IL12RB2: variants seen among roughly 807,000 people sequenced by gnomAD.
The protein encoded by IL12RB2 is interleukin-12 receptor subunit beta-2.
Under a neutral mutation model 89.4 loss-of-function variants are expected in IL12RB2, and 82 were observed. That is an observed-to-expected ratio of 0.92 (90% CI 0.77 to 1.10). IL12RB2 has a LOEUF of 1.10. Among genes scored for constraint, IL12RB2 ranks in the 50% least tolerant of loss-of-function variants. The pLI, the probability that IL12RB2 is intolerant of heterozygous loss-of-function variation, is 0.00. For missense variants in IL12RB2, 963 were observed against 1,031.9 expected (o/e 0.93, Z 0.92); for synonymous variants, 368 against 370.1 (o/e 0.99, Z 0.07).
chr1:67,374,616 C>T (rs1379705247), intron 13 of IL12RB2, among the ~76,000 whole-genome samples: 1 of 151,722 alleles, frequency 6.6e-6, no homozygotes, highest in Non-Finnish European at 1.5e-5. Context: ...GCTGGGATTA[C>T]AGACATGTAC....
intron 2 of IL12RB2, among the ~76,000 whole-genome samples, chr1:67,317,728 T>C (rs1196501245): frequency 6.6e-6 from 1 of 152,188 alleles, no homozygotes; most frequent in Non-Finnish European, 1.5e-5. Flanking sequence ...TTTCTAAAGA[T>C]CATATTCCTT....
Position 67,390,102 on chromosome 1 carries a change from T to C in IL12RB2, c.2020T>C (p.Cys674Arg). The C allele has an allele frequency of 7.6e-7, 1 of 1,316,154 alleles. No individual in the cohort carries two copies. Among genetic ancestry groups the C allele is most frequent in the East Asian group, 2.3e-5 (1 of 43,576 alleles). 81.5% of individuals were successfully genotyped at this position (1,316,154 alleles called of 1,614,324 possible). A position where few individuals can be genotyped will look rare whatever the true frequency, so the allele number is the denominator to read the frequency against. ...AATTCCAGATCCAGCAAATAGCACTTGCGCTAAGAAATATCCCATTGCAGA... is the reference window on the plus strand; with the variant it reads ...AATTCCAGATCCAGCAAATAGCACTCGCGCTAAGAAATATCCCATTGCAGA... ...REIPDPANST[C>R]AKKYPIAEEK... The change falls in exon 16 of 17, where the codon TGC (cysteine) becomes CGC (arginine). Residue 674 changes from cysteine to arginine, a missense_variant. Physicochemically the swap from Cys to Arg is radical, Grantham distance 180. Coordinates refer to ENST00000674203, the MANE Select transcript of IL12RB2 (RefSeq NM_001374259.2).
At chr1:67,332,248 C>T in intron 8 of IL12RB2, among the ~76,000 whole-genome samples, 1 of 151,000 alleles carries the variant, frequency 6.6e-6, no homozygotes, top group South Asian at 2.1e-4. Context: ...CAGAGTCTTG[C>T]TCTGTCACCC....
chr1:67,360,617 A>G (rs1396987473), intron 10 of IL12RB2, among the ~76,000 whole-genome samples: 6 of 151,726 alleles, frequency 4.0e-5, no homozygotes, highest in Non-Finnish European at 5.9e-5. Context: ...CCAACATGGC[A>G]AAACCCTGTC....
In IL12RB2 at chr1:67,376,419, A is replaced by G. The variant is rs78151606; in HGVS notation, c.1718-3567A>G. Among the ~76,000 whole-genome samples, 837 of 152,218 alleles carry G rather than the reference A, an allele frequency of 5.5e-3. 8 individuals are homozygous for G. The highest frequency in any genetic ancestry group is 0.019 in the African/African-American group (771 of 41,536). Reference sequence around the variant, plus strand: ...TTGTCTAGTACCACTTGACCTTCCTATCTACAGCTTTTCCAACGACTGGCA... The same window carrying G: ...TTGTCTAGTACCACTTGACCTTCCTGTCTACAGCTTTTCCAACGACTGGCA... On this transcript the variant is annotated intron_variant, in intron 13 of 16. Coordinates refer to ENST00000674203, the MANE Select transcript of IL12RB2 (RefSeq NM_001374259.2).
chr1:67,335,266 G>GAGAA (rs1658617813), intron 8 of IL12RB2, among the ~76,000 whole-genome samples: 1 of 152,188 alleles, frequency 6.6e-6, no homozygotes, highest in Non-Finnish European at 1.5e-5. Context: ...AATGACTGGA[G>GAGAA]AGATGTCTTT....
At chr1:67,363,272 A>G (rs12035294) in intron 10 of IL12RB2, among the ~76,000 whole-genome samples, 19,434 of 138,220 alleles carry the variant, frequency 0.14, 1,973 homozygotes, top group African/African-American at 0.29. Context: ...GCTGAAGTGC[A>G]ATGGCGTGAT....
At chr1:67,370,443 A>G (rs1663179562) in intron 11 of IL12RB2, among the ~76,000 whole-genome samples, 1 of 152,100 alleles carries the variant, frequency 6.6e-6, no homozygotes, top group Non-Finnish European at 1.5e-5. Flanking sequence ...CTGCACCTAG[A>G]GTTGTTGGGG....
chr1:67,346,116 C>T (rs1257594918), intron 9 of IL12RB2, among the ~76,000 whole-genome samples: 2 of 152,104 alleles, frequency 1.3e-5, no homozygotes, highest in Non-Finnish European at 2.9e-5. Context: ...TAGAGCTGTG[C>T]CACCTGGGTT....
At chr1:67,362,588 A>AAAAAG (rs1662213053) in intron 10 of IL12RB2, among the ~76,000 whole-genome samples, 1 of 149,074 alleles carries the variant, frequency 6.7e-6, no homozygotes, top group African/African-American at 2.4e-5. Flanking sequence ...AAAAAAAAAA[A>AAAAAG]AAAAGAAAAA....
chr1:67,344,545 A>G (rs1055166184), intron 9 of IL12RB2, among the ~76,000 whole-genome samples: 2 of 152,180 alleles, frequency 1.3e-5, no homozygotes, highest in Non-Finnish European at 2.9e-5. Flanking sequence ...CTCCTGCCTC[A>G]GCCTCCCAAA....
intron 13 of IL12RB2, among the ~76,000 whole-genome samples, chr1:67,375,435 G>A (rs58438451): frequency 0.073 from 11,172 of 152,216 alleles, 817 homozygotes; most frequent in East Asian, 0.21. Flanking sequence ...CAAAAGGGAT[G>A]TAACTGTCAT....
At chr1:67,340,394 A>G (rs1287418349) in intron 9 of IL12RB2, among the ~76,000 whole-genome samples, 1 of 152,264 alleles carries the variant, frequency 6.6e-6, no homozygotes, top group African/African-American at 2.4e-5. Flanking sequence ...GGTTAAAACC[A>G]AAATTCCTCC....
chr1:67,365,147 C>G (rs1359887200), intron 10 of IL12RB2, among the ~76,000 whole-genome samples: 1 of 152,030 alleles, frequency 6.6e-6, no homozygotes, highest in African/African-American at 2.4e-5. Context: ...GCAGCAAAAT[C>G]AGTGCTTAGA....
chr1:67,330,531 AT>A, intron 7 of IL12RB2, 128 bp from the exon 8 acceptor site: 1 of 650,598 alleles, frequency 1.5e-6, no homozygotes, highest in East Asian at 2.7e-5. Flanking sequence ...ATTTCTTCTC[AT>A]TTAATGGTAG....
intron 9 of IL12RB2, among the ~76,000 whole-genome samples, chr1:67,347,705 T>C (rs1022976159): frequency 6.6e-6 from 1 of 152,122 alleles, no homozygotes; most frequent in Admixed American, 6.5e-5. Flanking sequence ...TGTGGTTCCT[T>C]TATAGCATAT....
At chr1:67,372,123 C>T (rs1236585005) in intron 11 of IL12RB2, among the ~76,000 whole-genome samples, 1 of 151,704 alleles carries the variant, frequency 6.6e-6, no homozygotes, top group Non-Finnish European at 1.5e-5. Flanking sequence ...CGTGTTGGAA[C>T]TCAAATAGCT....
At chr1:67,340,854 T>C (rs758072074) in intron 9 of IL12RB2, among the ~76,000 whole-genome samples, 8 of 152,220 alleles carry the variant, frequency 5.3e-5, no homozygotes, top group Non-Finnish European at 1.0e-4. Flanking sequence ...TTAGGTTCTA[T>C]AATGAGGTCT....
intron 13 of IL12RB2, among the ~76,000 whole-genome samples, chr1:67,374,774 C>G (rs555253997): frequency 1.7e-5 from 2 of 120,866 alleles, no homozygotes; most frequent in South Asian, 3.0e-4. Context: ...CCCAGCCCAG[C>G]CTCTTTTTTT....
Sources: gnomAD v4.1 joint callset for allele counts (sites outside exome capture counted in the v4.1 genomes callset) on GRCh38, gnomAD v4.1.1 for gene constraint, MANE v1.5 for transcripts, NCBI Gene and HGNC (gene_info 2026-07-23, HGNC 2026-07-21) for gene names.